RABGAP1: variants seen among roughly 807,000 people sequenced by gnomAD.
The protein encoded by RABGAP1 is RAB GTPase activating protein 1.
In RABGAP1, 23 loss-of-function variants were observed where a neutral mutation model predicts 137.6. That is an observed-to-expected ratio of 0.17 (90% CI 0.12 to 0.24). The LOEUF (loss-of-function observed/expected upper bound fraction) is 0.24. Ranked by LOEUF, RABGAP1 falls within the 10% of genes least tolerant of loss-of-function variation. RABGAP1 has a pLI of 1.00. For missense variants in RABGAP1, 906 were observed against 1,275.8 expected, an observed-to-expected ratio of 0.71 and a Z score of 4.42; for synonymous variants, 451 against 450.7, an observed-to-expected ratio of 1.00 and a Z score of -0.01.
At chr9:122,982,121 A>C (rs1836099810) in intron 2 of RABGAP1, among the ~76,000 whole-genome samples, 1 of 152,218 alleles carries the variant, frequency 6.6e-6, no homozygotes, top group Admixed American at 6.5e-5. Flanking sequence ...AAGGTTCACA[A>C]ATGATCTAAC....
intron 13 of RABGAP1, among the ~76,000 whole-genome samples, chr9:123,045,309 G>C (rs558783163): frequency 5.5e-4 from 83 of 152,242 alleles, no homozygotes; most frequent in Middle Eastern, 3.4e-3. Flanking sequence ...TTAGCTAGAC[G>C]AAAAAATAAA....
At chr9:122,995,350 A>T (rs924115773) in intron 6 of RABGAP1, among the ~76,000 whole-genome samples, 4 of 152,114 alleles carry the variant, frequency 2.6e-5, no homozygotes, top group African/African-American at 9.7e-5. Flanking sequence ...TCTTCATTAT[A>T]TGTTTAAGCA....
chr9:123,007,254 T>C (rs2030363284), intron 10 of RABGAP1, among the ~76,000 whole-genome samples: 1 of 151,982 alleles, frequency 6.6e-6, no homozygotes, highest in African/African-American at 2.4e-5. Flanking sequence ...TTTGTATTTT[T>C]AGTACAGATG....
At chr9:123,012,179 G>A (rs912111881) in intron 11 of RABGAP1, among the ~76,000 whole-genome samples, 1 of 152,212 alleles carries the variant, frequency 6.6e-6, no homozygotes, top group African/African-American at 2.4e-5. Context: ...ATGCAATTCA[G>A]AGTCCCCCTG....
intron 2 of RABGAP1, among the ~76,000 whole-genome samples, chr9:122,960,223 C>G (rs1288579193): frequency 6.6e-6 from 1 of 152,166 alleles, no homozygotes; most frequent in East Asian, 1.9e-4. Flanking sequence ...AATCTCAACC[C>G]TTGACCTCTG....
At chr9:122,978,021 T>A (rs749713642) in intron 2 of RABGAP1, among the ~76,000 whole-genome samples, 2 of 152,232 alleles carry the variant, frequency 1.3e-5, no homozygotes, top group Non-Finnish European at 2.9e-5. Context: ...TTAGGTCAGA[T>A]TTTTTGAGGT....
intron 15 of RABGAP1, chr9:123,071,475 T>A (rs535825583): frequency 1.3e-5 from 2 of 152,370 alleles, no homozygotes; most frequent in African/African-American, 4.8e-5. Flanking sequence ...GTACCTGTTA[T>A]GATCTGTACT....
At chr9:123,001,327 G>T (rs1047023849) in intron 10 of RABGAP1, among the ~76,000 whole-genome samples, 13 of 152,108 alleles carry the variant, frequency 8.5e-5, no homozygotes, top group African/African-American at 3.1e-4. Flanking sequence ...ATAAATATAC[G>T]TTGAATTGAT....
chr9:122,943,794 A>G (rs530786940), intron 1 of RABGAP1, among the ~76,000 whole-genome samples: 2 of 152,168 alleles, frequency 1.3e-5, no homozygotes, highest in Non-Finnish European at 2.9e-5. Context: ...TCTACTAAAA[A>G]TACAAAAAAT....
At position 123,010,375 on chromosome 9, in the gene RABGAP1, A is replaced by G; in HGVS notation, c.1396A>G (p.Asn466Asp). Residue 466 changes from asparagine to aspartate, a missense_variant, in exon 11 of 26, where the codon AAT (asparagine) becomes GAT (aspartate). Physicochemically the swap from Asn to Asp is conservative, Grantham distance 23 (BLOSUM62 1). Coordinates refer to ENST00000373647, the MANE Select transcript of RABGAP1 (RefSeq NM_012197.4). ...LKQIKQRERK[N>D]NTDTLYEVVC... ...CAAGATAAAGCAAAGGGAGAGAAAG[A>G]ATAATACTGACACTTTATATGAAGT... is the stretch of plus-strand genomic sequence containing the variant. The G allele has an allele frequency of 6.2e-7, 1 of 1,612,980 alleles. No individual in the cohort carries two copies. The highest frequency in any genetic ancestry group is 8.5e-7 in the Non-Finnish European group (1 of 1,179,062).
At chr9:122,952,282 A>G (rs1430392220) in intron 1 of RABGAP1, among the ~76,000 whole-genome samples, 1 of 151,676 alleles carries the variant, frequency 6.6e-6, no homozygotes, top group Non-Finnish European at 1.5e-5. Flanking sequence ...TTTTTGAGAC[A>G]GAGTCTCGCT....
At chr9:122,947,262 A>G (rs1833994536) in intron 1 of RABGAP1, among the ~76,000 whole-genome samples, 1 of 152,218 alleles carries the variant, frequency 6.6e-6, no homozygotes, top group Non-Finnish European at 1.5e-5. Context: ...GTGTAATTCC[A>G]CTGCTTATAT....
intron 13 of RABGAP1, chr9:123,061,849 A>T (rs700060): frequency 0.98 from 148,882 of 152,370 alleles, 72,837 homozygotes; most frequent in East Asian, 1. Context: ...TTAAGCCATT[A>T]TACTAACTAC....
In RABGAP1 at chr9:123,101,633, G is replaced by A. The variant is rs747580271; in HGVS notation, c.2957G>A (p.Ser986Asn). 6.2e-7 allele frequency: 1 copy of A among 1,614,170 alleles called. No homozygotes were observed. Among genetic ancestry groups the A allele is most frequent in the South Asian group, 1.1e-5 (1 of 91,066 alleles). Residue 986 changes from serine (S) to asparagine (N), a missense_variant, in exon 25 of 26, where the codon AGC (serine) becomes AAC (asparagine). Coordinates refer to ENST00000373647, the MANE Select transcript of RABGAP1 (RefSeq NM_012197.4). ...AAAGAAGGGCGTGTAAAAGGCATAA[G>A]CTCAACCAAGGAGGTTTTAGATGAG... ...FNKEGRVKGI[S>N]STKEVLDEDT... is the part of the protein sequence containing the mutation.
intron 10 of RABGAP1, 129 bp downstream of exon 10, chr9:122,998,895 A>G (rs1837177657): frequency 7.7e-6 from 4 of 521,846 alleles, no homozygotes; most frequent in Non-Finnish European, 1.2e-5. Context: ...GAAAAATTAT[A>G]TTTTTCATAT....
chr9:122,965,565 G>C (rs969901402), intron 2 of RABGAP1, among the ~76,000 whole-genome samples: 3 of 152,098 alleles, frequency 2.0e-5, no homozygotes, highest in African/African-American at 7.2e-5. Flanking sequence ...TGTATTTTTA[G>C]TAAAGGTGGG....
At chr9:123,011,595 T>C (rs1376619352) in intron 11 of RABGAP1, among the ~76,000 whole-genome samples, 2 of 152,212 alleles carry the variant, frequency 1.3e-5, no homozygotes, top group African/African-American at 4.8e-5. Flanking sequence ...GGCCACTAAT[T>C]ACTGTGCTTA....
intron 17 of RABGAP1, among the ~76,000 whole-genome samples, chr9:123,075,270 T>C (rs1484503938): frequency 6.6e-6 from 1 of 152,198 alleles, no homozygotes; most frequent in Non-Finnish European, 1.5e-5. Context: ...CAGAATAGTA[T>C]GGTTTCCATA....
intron 13 of RABGAP1, among the ~76,000 whole-genome samples, chr9:123,040,702 G>A (rs1030050482): frequency 7.2e-5 from 11 of 151,942 alleles, no homozygotes; most frequent in African/African-American, 2.2e-4. Flanking sequence ...TGTTTTTTAC[G>A]TTAGTTTGAG....
Sources: allele counts gnomAD v4.1 joint callset (sites outside exome capture counted in the v4.1 genomes callset), GRCh38; gene constraint gnomAD v4.1.1; transcripts MANE v1.5; gene names NCBI Gene and HGNC (gene_info 2026-07-23, HGNC 2026-07-21).